Variants in PRKCQ observed in about 807,000 individuals in gnomAD.
PRKCQ encodes the protein protein kinase C theta type.
In PRKCQ, 41 loss-of-function variants were observed where a neutral mutation model predicts 91.2. The observed-to-expected ratio is 0.45, with a 90% CI of 0.35 to 0.58. The LOEUF is 0.58. PRKCQ is among the 20% of genes least tolerant of loss of function. PRKCQ has a pLI of 0.00. For synonymous variants in PRKCQ, 307 were observed against 316.9 expected, an observed-to-expected ratio of 0.97 and a Z score of 0.33; for missense variants, 673 against 896.5, an observed-to-expected ratio of 0.75 and a Z score of 3.18.
intron 1 of PRKCQ, among the ~76,000 whole-genome samples, chr10:6,563,940 C>T (rs775307272): frequency 4.6e-5 from 7 of 152,098 alleles, no homozygotes; most frequent in Non-Finnish European, 7.4e-5. Flanking sequence ...TGACACAGCC[C>T]GTGGGGGCCT....
Position 6,428,080 on chromosome 10 carries a change from CG to C in PRKCQ, c.*126del. The C allele has an allele frequency of 1.7e-6, 2 of 1,210,744 alleles. No individual in the cohort carries two copies. The highest frequency in any genetic ancestry group is 2.3e-6 in the Non-Finnish European group (2 of 854,236). The allele number at this position is 1,210,744 out of a possible 1,614,324, so 75.0% of individuals were successfully genotyped here. A position where few individuals can be genotyped will look rare whatever the true frequency, so the allele number is the denominator to read the frequency against. On this transcript the variant is annotated 3_prime_UTR_variant, in exon 18 of 18. Transcript: ENST00000263125. ...CAGATAAAAGTCACATGGGGGCGAA[CG>C]GGTCTCAGTCTTTATTGTTGAGTGT...
the PRKCQ span, among the ~76,000 whole-genome samples, chr10:6,402,076 T>G: frequency 1.3e-5 from 2 of 152,126 alleles, no homozygotes; most frequent in African/African-American, 2.4e-5. Context: ...GAAACCATCA[T>G]TCTCGGCAAA....
At chr10:6,445,454 T>A (rs1408863268) in intron 15 of PRKCQ, among the ~76,000 whole-genome samples, 1 of 152,152 alleles carries the variant, frequency 6.6e-6, no homozygotes, top group Non-Finnish European at 1.5e-5. Flanking sequence ...GGGAGGACCC[T>A]TTCACCCTTC....
At chr10:6,536,025 T>A (rs1484467863) in intron 1 of PRKCQ, among the ~76,000 whole-genome samples, 1 of 152,040 alleles carries the variant, frequency 6.6e-6, no homozygotes, top group African/African-American at 2.4e-5. Flanking sequence ...TGGTTCTAGG[T>A]CACCCTTGGG....
At chr10:6,464,890 T>C (rs1402654266) in intron 12 of PRKCQ, among the ~76,000 whole-genome samples, 1 of 152,172 alleles carries the variant, frequency 6.6e-6, no homozygotes, top group Non-Finnish European at 1.5e-5. Context: ...ATCTATGTTT[T>C]TGAGCCCCAG....
Position 6,515,580 on chromosome 10 carries a change from C to T in PRKCQ, c.-9-436G>A, listed in dbSNP as rs111836781. 5.4e-4 allele frequency: 494 copies of T among 908,650 alleles called. 2 individuals carry two copies. The highest frequency in any genetic ancestry group is 6.0e-4 in the Non-Finnish European group (456 of 760,394). The allele number at this position is 908,650 out of a possible 1,614,324, so 56.3% of individuals were successfully genotyped here. On this transcript the variant is annotated intron_variant, in intron 1 of 17. Coordinates refer to ENST00000263125, the MANE Select transcript of PRKCQ (RefSeq NM_006257.5). Reference sequence around the variant, plus strand: ...TAGTCACACTAGTTAAATATGACACCGCAAAATTCTTACATGGTCTATTTA... The same window carrying T: ...TAGTCACACTAGTTAAATATGACACTGCAAAATTCTTACATGGTCTATTTA...
At chr10:6,429,967 A>G (rs949989632) in intron 17 of PRKCQ, among the ~76,000 whole-genome samples, 1 of 149,928 alleles carries the variant, frequency 6.7e-6, no homozygotes, top group Non-Finnish European at 1.5e-5. Context: ...CAATCCTCCC[A>G]CCTCAGCCTC....
chr10:6,522,013 G>C (rs1173435507), intron 1 of PRKCQ, among the ~76,000 whole-genome samples: 4 of 152,092 alleles, frequency 2.6e-5, no homozygotes, highest in African/African-American at 9.7e-5. Context: ...CACGATCTTG[G>C]CTCACTGCAA....
chr10:6,480,042 C>T (rs548117145), intron 11 of PRKCQ, among the ~76,000 whole-genome samples: 1 of 152,256 alleles, frequency 6.6e-6, no homozygotes, highest in South Asian at 2.1e-4. Flanking sequence ...TGTAGTAGGT[C>T]CTAAAATGTG....
chr10:6,534,429 T>C (rs1445713669), intron 1 of PRKCQ, among the ~76,000 whole-genome samples: 1 of 152,194 alleles, frequency 6.6e-6, no homozygotes, highest in Non-Finnish European at 1.5e-5. Context: ...AATTTTGTAA[T>C]ATACAGCATG....
rs1393818667 is a variant in PRKCQ at position 6,565,902 on chromosome 10, C to T, written c.-10+14309G>A. ...CCTATGCAAGAGTTATTTATGGCTA[C>T]TGTTCATAGTACCCCTCTAAATAGG... On this transcript the variant is annotated intron_variant, in intron 1 of 17. Coordinates refer to ENST00000263125, the MANE Select transcript of PRKCQ (RefSeq NM_006257.5). Among the ~76,000 whole-genome samples the T allele has an allele frequency of 3.9e-5, 6 of 152,222 alleles. No individual in the cohort carries two copies. The East Asian group carries it at 1.2e-3, about 29-fold the overall frequency.
the PRKCQ span, among the ~76,000 whole-genome samples, chr10:6,396,166 G>C: frequency 4.6e-5 from 7 of 152,122 alleles, no homozygotes; most frequent in South Asian, 4.1e-4. Flanking sequence ...CTAAGTACTA[G>C]ACTCCAGCAT....
chr10:6,551,629 C>A (rs935652587), intron 1 of PRKCQ, among the ~76,000 whole-genome samples: 1 of 152,166 alleles, frequency 6.6e-6, no homozygotes. Flanking sequence ...ATCTCCTGAC[C>A]TTGTGATCCG....
downstream of PRKCQ, among the ~76,000 whole-genome samples, chr10:6,425,326 G>C (rs1026593200): frequency 6.6e-6 from 1 of 151,312 alleles, no homozygotes; most frequent in Non-Finnish European, 1.5e-5. Context: ...CCGAGTTCAA[G>C]CGATTCTCCT....
Position 6,484,990 on chromosome 10 carries a change from G to C in PRKCQ, c.1018+162C>G, listed in dbSNP as rs538687611. The stretch of plus-strand genomic sequence containing the variant: ...CTCCTGCCTTTTACAAAGGTAAAAG[G>C]TTTTAGTTTCTTTTCTAAGAAGTGG... On this transcript the variant is annotated intron_variant, in intron 10 of 17. Transcript: ENST00000263125. 2.0e-5 allele frequency among the ~76,000 whole-genome samples: 3 copies of C among 152,292 alleles called. No homozygotes were observed. The East Asian group carries it at 5.8e-4, about 29-fold the overall frequency.
the PRKCQ span, among the ~76,000 whole-genome samples, chr10:6,397,569 T>C: frequency 6.6e-6 from 1 of 152,236 alleles, no homozygotes; most frequent in Admixed American, 6.5e-5. Flanking sequence ...TTGTTTATTT[T>C]GATGAAAGTC....
At chr10:6,406,888 C>T in the PRKCQ span, among the ~76,000 whole-genome samples, 1 of 152,170 alleles carries the variant, frequency 6.6e-6, no homozygotes, top group African/African-American at 2.4e-5. Context: ...TAGAATGTCT[C>T]ATATGAGTAC....
chr10:6,550,673 C>A (rs374480405), intron 1 of PRKCQ, among the ~76,000 whole-genome samples: 1 of 152,208 alleles, frequency 6.6e-6, no homozygotes, highest in African/African-American at 2.4e-5. Context: ...TGCTGCTAAT[C>A]GATGTGGGTG....
At chr10:6,446,230 C>T (rs762138030) in intron 15 of PRKCQ, among the ~76,000 whole-genome samples, 61 of 152,136 alleles carry the variant, frequency 4.0e-4, no homozygotes, top group Non-Finnish European at 6.8e-4. Context: ...TTAAAGTCTC[C>T]TAGTTAGTGA....
Sources: gnomAD v4.1 joint callset for allele counts (sites outside exome capture counted in the v4.1 genomes callset) on GRCh38, gnomAD v4.1.1 for gene constraint, MANE v1.5 for transcripts, NCBI Gene and HGNC (gene_info 2026-07-23, HGNC 2026-07-21) for gene names.